RAB31: variants seen among roughly 807,000 people sequenced by gnomAD.
The protein encoded by RAB31 is ras-related protein Rab-31.
Under a neutral mutation model 25.6 loss-of-function variants are expected in RAB31, and 21 were observed. The ratio of observed to expected loss-of-function variants is 0.82; its 90% CI spans 0.58 to 1.18. RAB31 has a LOEUF of 1.18. RAB31 is among the 50% of genes most tolerant of loss of function. The probability of loss-of-function intolerance (pLI) is 0.00; values close to 1 mark genes in which losing one functional copy is unlikely to be tolerated. For missense variants in RAB31, 196 were observed against 250.1 expected (o/e 0.78, Z 1.46); for synonymous variants, 87 against 84.0 (o/e 1.04, Z -0.20).
intron 4 of RAB31, 140 bp from the exon 5 acceptor site, chr18:9,814,976 A>T: frequency 1.7e-6 from 1 of 582,240 alleles, no homozygotes; most frequent in Non-Finnish European, 3.0e-6. Context: ...TTTTGTGCCT[A>T]GACAGAGGTA....
At chr18:9,739,259 G>A (rs1052091475) in intron 1 of RAB31, among the ~76,000 whole-genome samples, 4 of 152,184 alleles carry the variant, frequency 2.6e-5, no homozygotes, top group Non-Finnish European at 5.9e-5. Context: ...CGGATCATGA[G>A]GTCAGGAGAT....
chr18:9,751,993 A>G (rs770476462), intron 1 of RAB31, among the ~76,000 whole-genome samples: 6 of 152,186 alleles, frequency 3.9e-5, no homozygotes, highest in Non-Finnish European at 7.3e-5. Flanking sequence ...TGCAGTCCTG[A>G]GAGTGCTGTC....
intron 5 of RAB31, among the ~76,000 whole-genome samples, chr18:9,836,748 A>AGT (rs2068706344): frequency 9.2e-6 from 1 of 109,138 alleles, no homozygotes; most frequent in Non-Finnish European, 2.3e-5. Context: ...GGGGAGACTC[A>AGT]GTGTGAGGAA....
intron 3 of RAB31, among the ~76,000 whole-genome samples, chr18:9,807,908 G>T (rs1396422512): frequency 6.6e-6 from 1 of 152,192 alleles, no homozygotes; most frequent in East Asian, 1.9e-4. Flanking sequence ...AGCCCAGGAG[G>T]TTGAGGCTGC....
chr18:9,709,186 A>T (rs8092189), intron 1 of RAB31, among the ~76,000 whole-genome samples: 1 of 152,046 alleles, frequency 6.6e-6, no homozygotes, highest in African/African-American at 2.4e-5. Context: ...CAGAAACAAA[A>T]AAGCAGTCAA....
chr18:9,801,766 C>T (rs919237071), intron 3 of RAB31, among the ~76,000 whole-genome samples: 2 of 152,154 alleles, frequency 1.3e-5, no homozygotes, highest in African/African-American at 2.4e-5. Flanking sequence ...AACCTAAGGT[C>T]GTAAAGGTTT....
intron 1 of RAB31, among the ~76,000 whole-genome samples, chr18:9,712,725 TGTGCGTGC>T (rs2068023878): frequency 6.6e-6 from 1 of 151,806 alleles, no homozygotes; most frequent in South Asian, 2.1e-4. Context: ...GGGGTATTTG[TGTGCGTGC>T]ACTTAAAAAC....
chr18:9,780,995 C>T (rs549101764), intron 2 of RAB31, among the ~76,000 whole-genome samples: 25 of 152,184 alleles, frequency 1.6e-4, no homozygotes, highest in South Asian at 2.1e-4. Flanking sequence ...TGATGTACCT[C>T]GTTGGGCATA....
At chr18:9,840,517 C>G (rs1021558535) in intron 5 of RAB31, among the ~76,000 whole-genome samples, 1 of 152,144 alleles carries the variant, frequency 6.6e-6, no homozygotes, top group Admixed American at 6.5e-5. Context: ...CTCAAATGTT[C>G]CCAGTTTTAC....
intron 2 of RAB31, among the ~76,000 whole-genome samples, chr18:9,777,527 T>C (rs2068378463): frequency 1.3e-5 from 2 of 152,126 alleles, no homozygotes; most frequent in South Asian, 4.1e-4. Context: ...TAGGTATACT[T>C]TTTATGGAAG....
rs1260473874 is a variant in RAB31, at chr18:9,814,219, G to A, written c.273+128G>A. On this transcript the variant is annotated intron_variant, in intron 4 of 6. Coordinates refer to ENST00000578921, the MANE Select transcript of RAB31 (RefSeq NM_006868.4). ...CCACTATATATTGAGTTTATTTCATGTATATGTAACAAAGCATCCCATATT... is the reference window on the plus strand; with the variant it reads ...CCACTATATATTGAGTTTATTTCATATATATGTAACAAAGCATCCCATATT... 14 of 623,460 alleles carry A rather than the reference G, an allele frequency of 2.2e-5. No homozygotes were observed. The Admixed American group carries it at 3.5e-4, about 15-fold the overall frequency. 38.6% of individuals were successfully genotyped at this position (623,460 alleles called of 1,614,324 possible). A position where few individuals can be genotyped will look rare whatever the true frequency, so the allele number is the denominator to read the frequency against.
At chr18:9,761,025 G>C (rs1187743992) in intron 1 of RAB31, among the ~76,000 whole-genome samples, 4 of 152,090 alleles carry the variant, frequency 2.6e-5, no homozygotes, top group African/African-American at 9.7e-5. Flanking sequence ...CTTGGATGCT[G>C]TGATATCTTC....
intron 1 of RAB31, among the ~76,000 whole-genome samples, chr18:9,768,706 T>C (rs1041822113): frequency 6.6e-6 from 1 of 152,200 alleles, no homozygotes; most frequent in Admixed American, 6.5e-5. Flanking sequence ...TTTAATTAGC[T>C]CTCATTTGTC....
At chr18:9,769,945 G>T (rs1183499962) in intron 1 of RAB31, among the ~76,000 whole-genome samples, 1 of 152,196 alleles carries the variant, frequency 6.6e-6, no homozygotes, top group African/African-American at 2.4e-5. Flanking sequence ...AGATAATCAT[G>T]TCATGTAGTT....
chr18:9,803,301 T>C (rs760305033), intron 3 of RAB31, among the ~76,000 whole-genome samples: 38 of 150,910 alleles, frequency 2.5e-4, no homozygotes, highest in Admixed American at 2.5e-3. Flanking sequence ...AGTGGTGCAA[T>C]CATAGCTCAC....
chr18:9,819,035 A>G (rs140138613), intron 5 of RAB31, among the ~76,000 whole-genome samples: 1 of 152,204 alleles, frequency 6.6e-6, no homozygotes, highest in Non-Finnish European at 1.5e-5. Context: ...AAAGTCTCTT[A>G]TCAAACATGT....
chr18:9,721,929 G>A (rs935528004), intron 1 of RAB31, among the ~76,000 whole-genome samples: 8 of 152,178 alleles, frequency 5.3e-5, no homozygotes, highest in Non-Finnish European at 8.8e-5. Flanking sequence ...ATTTCTGAAA[G>A]GAGGCATCTG....
intron 6 of RAB31, among the ~76,000 whole-genome samples, chr18:9,857,302 ACT>A (rs2143156371): frequency 6.6e-6 from 1 of 152,110 alleles, no homozygotes; most frequent in Admixed American, 6.5e-5. Context: ...TTTGAAATCA[ACT>A]CTTTTTGTCC....
chr18:9,761,920 C>T (rs1194373481), intron 1 of RAB31, among the ~76,000 whole-genome samples: 1 of 152,164 alleles, frequency 6.6e-6, no homozygotes, highest in Non-Finnish European at 1.5e-5. Flanking sequence ...GATTCTCGTG[C>T]CTCAGCCTCC....
Sources: allele counts gnomAD v4.1 joint callset (sites outside exome capture counted in the v4.1 genomes callset), GRCh38; gene constraint gnomAD v4.1.1; transcripts MANE v1.5; gene names NCBI Gene and HGNC (gene_info 2026-07-23, HGNC 2026-07-21).